The following ELMOD1 variants were observed in gnomAD, a reference collection of about 807,000 sequenced individuals.
ELMOD1 encodes ELMO domain-containing protein 1.
Under a neutral mutation model 46.7 loss-of-function variants are expected in ELMOD1, and 21 were observed. That is an observed-to-expected ratio of 0.45 (90% CI 0.32 to 0.65). ELMOD1 has a LOEUF of 0.65. ELMOD1 is among the 30% of genes least tolerant of loss of function. ELMOD1 has a pLI of 0.04. For missense variants in ELMOD1, 348 were observed against 407.8 expected (o/e 0.85, Z 1.26); for synonymous variants, 122 against 138.2 (o/e 0.88, Z 0.82).
chr11:107,591,919 G>C (rs957282276), intron 1 of ELMOD1: 4 of 504,402 alleles, frequency 7.9e-6, no homozygotes, highest in African/African-American at 7.8e-5. Flanking sequence ...GGGAGGAGCG[G>C]TCGGCTGGGC....
At chr11:107,656,379 C>A (rs1866631778) in intron 11 of ELMOD1, among the ~76,000 whole-genome samples, 2 of 148,734 alleles carry the variant, frequency 1.3e-5, no homozygotes, top group Non-Finnish European at 1.5e-5. Flanking sequence ...CAGAGTGAGA[C>A]TCCATCTCAA....
At chr11:107,615,283 T>C (rs1235744966) in intron 1 of ELMOD1, among the ~76,000 whole-genome samples, 2 of 126,644 alleles carry the variant, frequency 1.6e-5, no homozygotes, top group African/African-American at 3.0e-5. Flanking sequence ...GTCACCAGGC[T>C]GGAGTGCAGT....
At chr11:107,633,148 C>T (rs1326385145) in intron 5 of ELMOD1, among the ~76,000 whole-genome samples, 2 of 152,122 alleles carry the variant, frequency 1.3e-5, no homozygotes, top group Non-Finnish European at 2.9e-5. Context: ...AAATCTGAAA[C>T]ACTTCTGGTC....
At chr11:107,643,793 C>T in intron 6 of ELMOD1, 2 of 349,672 alleles carry the variant, frequency 5.7e-6, no homozygotes, top group Non-Finnish European at 1.2e-5. Context: ...AGCGTACTGT[C>T]CATTTCATCA....
Position 107,617,377 on chromosome 11 carries a change from C to T in ELMOD1, c.-85-728C>T, listed in dbSNP as rs553423099. ...TCTCTTTTCTCATGAGATAACTTCT[C>T]TCCACTTGCAGACACTCTCTCTTCT... On this transcript the variant is annotated intron_variant, in intron 1 of 11. Transcript: ENST00000265840. Among the ~76,000 whole-genome samples, 6 of 152,330 alleles carry T rather than the reference C, an allele frequency of 3.9e-5. No individual in the cohort carries two copies. In the East Asian group the frequency reaches 5.8e-4, roughly 15 times the overall value.
At chr11:107,643,271 G>A (rs1215474366) in intron 6 of ELMOD1, 1 of 183,828 alleles carries the variant, frequency 5.4e-6, no homozygotes, top group Non-Finnish European at 1.1e-5. Flanking sequence ...GGAGGCTGAG[G>A]AAGGAGAATC....
intron 6 of ELMOD1, among the ~76,000 whole-genome samples, chr11:107,646,704 C>T (rs778440144): frequency 6.6e-6 from 1 of 151,548 alleles, no homozygotes; most frequent in Non-Finnish European, 1.5e-5. Context: ...CACAGCACTC[C>T]AGCCTGGGCA....
At chr11:107,637,263 C>T (rs1052034850) in intron 6 of ELMOD1, among the ~76,000 whole-genome samples, 2 of 152,190 alleles carry the variant, frequency 1.3e-5, no homozygotes, top group Non-Finnish European at 1.5e-5. Context: ...CATTTTAGCT[C>T]AGGTTCTGAT....
Position 107,592,451 on chromosome 11 carries a change from G to C in ELMOD1, c.-86+1042G>C, listed in dbSNP as rs767408480. 5.6e-6 allele frequency: 3 copies of C among 533,980 alleles called. No homozygotes were observed. The African/African-American group carries it at 5.8e-5, about 10-fold the overall frequency. The allele number at this position is 533,980 out of a possible 1,614,324, so 33.1% of individuals were successfully genotyped here. On this transcript the variant is annotated intron_variant, in intron 1 of 11. Transcript: ENST00000265840. The stretch of plus-strand genomic sequence containing the variant: ...CTCTGCAATGTATACGTTTTGTGCC[G>C]GTGGCTTGACAACCGTCCTTAACTG...
At chr11:107,644,203 C>A (rs1866376694) in intron 6 of ELMOD1, among the ~76,000 whole-genome samples, 1 of 150,966 alleles carries the variant, frequency 6.6e-6, no homozygotes, top group Admixed American at 6.6e-5. Flanking sequence ...GGCTGAGGCA[C>A]AAGAATCCCT....
intron 11 of ELMOD1, among the ~76,000 whole-genome samples, chr11:107,656,423 T>C (rs1431456756): frequency 1.1e-4 from 10 of 93,518 alleles, no homozygotes; most frequent in Non-Finnish European, 1.7e-4. Context: ...ATATATATTA[T>C]ATATATAAAA....
At chr11:107,639,736 G>A (rs1194886431) in intron 6 of ELMOD1, among the ~76,000 whole-genome samples, 3 of 152,164 alleles carry the variant, frequency 2.0e-5, no homozygotes, top group African/African-American at 4.8e-5. Flanking sequence ...CTCCACATCT[G>A]TTTCTTGTCT....
intron 10 of ELMOD1, among the ~76,000 whole-genome samples, chr11:107,655,327 A>G (rs1047573868): frequency 1.1e-4 from 17 of 152,312 alleles, no homozygotes; most frequent in Middle Eastern, 6.8e-3. Flanking sequence ...TGTCATTGCC[A>G]TTATTAAAAA....
rs542076900 is a variant in ELMOD1 at position 107,591,292 on chromosome 11, G to C, written c.-203G>C. ...GCCCCTGTCCAGCCTCGGCGCCCGG[G>C]ACCGAGCGCGTCGCTCGCCGCCGCG... On this transcript the variant is annotated 5_prime_UTR_variant, in exon 1 of 12. Transcript: ENST00000265840. The C allele has an allele frequency of 2.7e-3, 411 of 152,324 alleles. 1 individual carries two copies. Among genetic ancestry groups the C allele is most frequent in the African/African-American group, 9.4e-3 (389 of 41,552 alleles). 9.4% of individuals were successfully genotyped at this position (152,324 alleles called of 1,614,324 possible). A position where few individuals can be genotyped will look rare whatever the true frequency, so the allele number is the denominator to read the frequency against.
intron 3 of ELMOD1, 27 bp downstream of exon 3, chr11:107,630,589 A>C (rs1206593659): frequency 3.7e-6 from 6 of 1,607,708 alleles, no homozygotes; most frequent in Non-Finnish European, 5.1e-6. Flanking sequence ...GAAGTAAGCA[A>C]AAGGTAGAGT....
intron 1 of ELMOD1, among the ~76,000 whole-genome samples, chr11:107,615,023 C>A (rs940619667): frequency 2.6e-5 from 4 of 152,200 alleles, no homozygotes; most frequent in African/African-American, 7.2e-5. Flanking sequence ...CATCTTCTCT[C>A]CTCTCCTCCC....
intron 1 of ELMOD1, among the ~76,000 whole-genome samples, chr11:107,593,988 A>C (rs1865449487): frequency 6.6e-6 from 1 of 152,194 alleles, no homozygotes; most frequent in African/African-American, 2.4e-5. Context: ...TCACTTCAAC[A>C]CATATTGGTT....
intron 2 of ELMOD1, chr11:107,620,045 A>G (rs1865922662): frequency 1.3e-5 from 2 of 152,176 alleles, no homozygotes; most frequent in Admixed American, 1.3e-4. Context: ...GTCCATTTCC[A>G]CAGATGTTGG....
rs760794842 is a variant in ELMOD1 at position 107,639,195 on chromosome 11, G to A, written c.420+3430G>A. Among the ~76,000 whole-genome samples, 238 of 152,030 alleles carry A rather than the reference G, an allele frequency of 1.6e-3. 3 individuals carry two copies. The highest frequency in any genetic ancestry group is 9.0e-4 in the Non-Finnish European group (61 of 67,984). On this transcript the variant is annotated intron_variant, in intron 6 of 11. Transcript: ENST00000265840. ...ATTAAATTAAGTTAAATGTAAAAGC[G>A]TGTTTGCTGATCCCTAGTTTCTAAG... is the stretch of plus-strand genomic sequence containing the variant.
Sources: allele counts gnomAD v4.1 joint callset (sites outside exome capture counted in the v4.1 genomes callset), GRCh38; gene constraint gnomAD v4.1.1; transcripts MANE v1.5; gene names NCBI Gene and HGNC (gene_info 2026-07-23, HGNC 2026-07-21).